The following PRPF8 variants were observed in gnomAD, a reference collection of about 807,000 sequenced individuals.
PRPF8 encodes pre-mRNA processing factor 8, also known as pre-mRNA-processing-splicing factor 8.
In PRPF8, 64 loss-of-function variants were observed where a neutral mutation model predicts 285.9. The ratio of observed to expected loss-of-function variants is 0.22; its 90% CI spans 0.18 to 0.28. The LOEUF (loss-of-function observed/expected upper bound fraction) is 0.28. Among genes scored for constraint, PRPF8 ranks in the 10% least tolerant of loss-of-function variants. The pLI is 1.00. For missense variants in PRPF8, 1,426 were observed against 3,026.7 expected, an observed-to-expected ratio of 0.47 and a Z score of 12.41; for synonymous variants, 1,325 against 1,118.2, an observed-to-expected ratio of 1.18 and a Z score of -3.69.
chr17:1,655,871 C>T (rs771657322), intron 36 of PRPF8, among the ~76,000 whole-genome samples: 27 of 150,946 alleles, frequency 1.8e-4, no homozygotes, highest in Non-Finnish European at 3.5e-4. Context: ...CGTGATCCGC[C>T]GCCTCGGCCT....
chr17:1,674,876 A>G (rs1225171776), intron 20 of PRPF8, among the ~76,000 whole-genome samples, 196 bp from the exon 21 acceptor site: 1 of 152,024 alleles, frequency 6.6e-6, no homozygotes, highest in Non-Finnish European at 1.5e-5. Flanking sequence ...GGTTCAAGTG[A>G]TTCTCCTGCC....
In PRPF8 at chr17:1,660,012, A is replaced by G; in HGVS notation, c.4786-11T>C. On this transcript the variant is annotated splice_polypyrimidine_tract_variant and intron_variant, in intron 30 of 42. Coordinates refer to ENST00000304992, the MANE Select transcript of PRPF8 (RefSeq NM_006445.4). ...TTCCTGGTCAAACACCTGAAGGAAA[A>G]CATGGAGAGATTAAGACTTGTTAAG... 1 of 1,613,850 alleles carries G rather than the reference A, an allele frequency of 6.2e-7. No individual in the cohort carries two copies. The highest frequency in any genetic ancestry group is 8.5e-7 in the Non-Finnish European group (1 of 1,179,702).
rs1468216505 is a variant in PRPF8, at chr17:1,651,954, T to TA, written c.6370-167dup. ...CAGCTGGGGTGCTTGTTCAAAATGTTAGACATGGACCTCATCGCGGACTTA... is the reference window on the plus strand; with the variant it reads ...CAGCTGGGGTGCTTGTTCAAAATGTTAAGACATGGACCTCATCGCGGACTTA... On this transcript the variant is annotated intron_variant, in intron 39 of 42. Transcript: ENST00000304992. The surrounding 1 kb of genome is among the most constrained non-coding windows in gnomAD (Gnocchi z 5.1). The TA allele has an allele frequency of 3.1e-5, 27 of 878,372 alleles. No homozygotes were observed. In the East Asian group the frequency reaches 6.7e-4, roughly 22 times the overall value. 54.4% of individuals were successfully genotyped at this position (878,372 alleles called of 1,614,324 possible). A position where few individuals can be genotyped will look rare whatever the true frequency, so the allele number is the denominator to read the frequency against.
In PRPF8 at chr17:1,679,190, A is replaced by G; in HGVS notation, c.1426T>C (p.Phe476Leu). 6.2e-7 allele frequency: 1 copy of G among 1,614,240 alleles called. No homozygotes were observed. The highest frequency in any genetic ancestry group is 8.5e-7 in the Non-Finnish European group (1 of 1,180,042). ...AQKKRYLFRS[F>L]KATKFFQSTK... ...GACTGAAAGAATTTGGTGGCTTTGA[A>G]GGAGCGGAACAAATACCTGAGGTGG... The change falls in exon 11 of 43, where the codon TTC becomes CTC. Residue 476 changes from phenylalanine to leucine, a missense_variant. By Grantham distance (22) the Phe-to-Leu change is conservative. This residue lies in a region of PRPF8 where 137 missense variants were observed against 161.2 expected (regional missense o/e 0.85). Transcript: ENST00000304992. This position sits in a 1 kb window ranked among gnomAD's most constrained non-coding sequence, Gnocchi z 4.7.
Position 1,658,789 on chromosome 17 carries a change from A to T in PRPF8, c.5139-26T>A, listed in dbSNP as rs779264800. ...CTGTGAGGATAAAAGGGTCAAGAAA[A>T]GTTAAGACGAGAATGACAGCCCCAG... On this transcript the variant is annotated intron_variant, in intron 32 of 42. Coordinates refer to ENST00000304992, the MANE Select transcript of PRPF8 (RefSeq NM_006445.4). The surrounding 1 kb of genome is among the most constrained non-coding windows in gnomAD (Gnocchi z 4.1). 1 of 1,600,798 alleles carries T rather than the reference A, an allele frequency of 6.2e-7. No homozygotes were observed. The highest frequency in any genetic ancestry group is 8.6e-7 in the Non-Finnish European group (1 of 1,167,840).
Position 1,661,832 on chromosome 17 carries a change from T to G in PRPF8, c.4023-42A>C, listed in dbSNP as rs768669105. On this transcript the variant is annotated intron_variant, in intron 25 of 42. Coordinates refer to ENST00000304992, the MANE Select transcript of PRPF8 (RefSeq NM_006445.4). This position sits in a 1 kb window ranked among gnomAD's most constrained non-coding sequence, Gnocchi z 7.3. ...CCAAGATTACAGAAAAAATAAAGCC[T>G]AAAACTAAAGAAATACCCACTTCCC... is the stretch of plus-strand genomic sequence containing the variant. 2 of 1,614,106 alleles carry G rather than the reference T, an allele frequency of 1.2e-6. No individual in the cohort carries two copies. The highest frequency in any genetic ancestry group is 1.7e-6 in the Non-Finnish European group (2 of 1,180,034).
chr17:1,676,554 G>A lies in PRPF8; in HGVS notation c.2339C>T (p.Thr780Ile). The A allele has an allele frequency of 6.2e-7, 1 of 1,614,132 alleles. No homozygotes were observed. Among genetic ancestry groups the A allele is most frequent in the Non-Finnish European group, 8.5e-7 (1 of 1,180,020 alleles). Residue 780 changes from threonine to isoleucine, a missense_variant, in exon 16 of 43, where the codon ACC becomes ATC. By Grantham distance (89) the Thr-to-Ile change is moderately conservative. Coordinates refer to ENST00000304992, the MANE Select transcript of PRPF8 (RefSeq NM_006445.4). This position sits in a 1 kb window ranked among gnomAD's most constrained non-coding sequence, Gnocchi z 6.3. ...CTGTTCTGCCTTCAGATAGAGCCGG[G>A]TGAGGCGGCCCAGATTCTTTTTACA... The part of the protein sequence containing the change: ...TVCKKNLGRL[T>I]RLYLKAEQER...
At position 1,673,505 on chromosome 17, in the gene PRPF8, C is replaced by T; in HGVS notation, c.3509G>A (p.Trp1170Ter). Reference sequence around the variant, plus strand: ...GTACACAGACACGAAGCTGTTCTCCCACTGAACTGTAGTCACTGACCGTGG... The same window carrying T: ...GTACACAGACACGAAGCTGTTCTCCTACTGAACTGTAGTCACTGACCGTGG... The part of the protein sequence containing the change: ...RLPRSVTTVQ[W>*]ENSFVSVYSK... Residue 1170 changes from tryptophan to a stop codon, truncating the protein, a stop_gained, in exon 23 of 43, where the codon TGG (tryptophan) becomes TAG (stop). Transcript: ENST00000304992. LOFTEE classifies it high-confidence loss of function. This position sits in a 1 kb window ranked among gnomAD's most constrained non-coding sequence, Gnocchi z 5.5. The T allele has an allele frequency of 6.2e-7, 1 of 1,614,198 alleles. No homozygotes were observed. The highest frequency in any genetic ancestry group is 8.5e-7 in the Non-Finnish European group (1 of 1,180,036).
Position 1,673,672 on chromosome 17 carries a change from G to T in PRPF8, c.3446+74C>A. 6.2e-7 allele frequency: 1 copy of T among 1,611,338 alleles called. No homozygotes were observed. The highest frequency in any genetic ancestry group is 8.5e-7 in the Non-Finnish European group (1 of 1,178,686). The stretch of plus-strand genomic sequence containing the variant: ...CAGCCACGCCTCTCCCACCCAGGAC[G>T]CAGCCTCAGGTATGCCCTCTCTGGG... On this transcript the variant is annotated intron_variant, in intron 22 of 42. Transcript: ENST00000304992. The surrounding 1 kb of genome is among the most constrained non-coding windows in gnomAD (Gnocchi z 5.5).
chr17:1,682,318 C>T (rs1338991454), intron 3 of PRPF8, 25 bp from the exon 4 acceptor site: 1 of 1,612,632 alleles, frequency 6.2e-7, no homozygotes, highest in Admixed American at 1.7e-5. Context: ...AAAGAGAAGG[C>T]TATCAGAAAT....
At chr17:1,672,685 G>C (rs1008230754) in intron 24 of PRPF8, among the ~76,000 whole-genome samples, 2 of 152,118 alleles carry the variant, frequency 1.3e-5, no homozygotes, top group Non-Finnish European at 2.9e-5. Context: ...GCCTCTGAAG[G>C]TAAGTGAAGG....
rs771788010 is a variant in PRPF8, at chr17:1,651,343, A to G, written c.6651-33T>C. The G allele has an allele frequency of 6.2e-6, 10 of 1,614,066 alleles. No individual in the cohort carries two copies. The Admixed American group carries it at 1.7e-4, about 27-fold the overall frequency. On this transcript the variant is annotated intron_variant, in intron 41 of 42. Transcript: ENST00000304992. This position sits in a 1 kb window ranked among gnomAD's most constrained non-coding sequence, Gnocchi z 5.1. ...AGGAACGAGGACAGAGTAACAGCTC[A>G]GGCCACTGTTCTGGGCCCTGGCCTG...
rs1912946069 is a variant in PRPF8, at chr17:1,681,820, T to C, written c.653A>G (p.Lys218Arg). Residue 218 changes from lysine (K) to arginine (R), a missense_variant and splice_region_variant, in exon 5 of 43, where the codon AAG (lysine) becomes AGG (arginine). Coordinates refer to ENST00000304992, the MANE Select transcript of PRPF8 (RefSeq NM_006445.4). ...YDHQPLRDSR[K>R]YVNGSTYQRW... ...TGTAGTATCTCCATCTATCACTCAC[T>C]TCCTGCTGTCCCTCAACGGCTGGTG... The C allele has an allele frequency of 6.2e-7, 1 of 1,613,956 alleles. No homozygotes were observed. The highest frequency in any genetic ancestry group is 1.3e-5 in the African/African-American group (1 of 74,952).
intron 24 of PRPF8, among the ~76,000 whole-genome samples, chr17:1,671,797 G>C (rs1256431344): frequency 7.0e-6 from 1 of 143,306 alleles, no homozygotes; most frequent in Non-Finnish European, 1.5e-5. Context: ...CTTGCGGTGA[G>C]CCAAGACTGC....
chr17:1,670,243 CAAACTTT>C (rs1337519402), intron 24 of PRPF8, among the ~76,000 whole-genome samples: 4 of 152,178 alleles, frequency 2.6e-5, no homozygotes, highest in Admixed American at 1.3e-4. Context: ...TCAGGAACTT[CAAACTTT>C]ATATATCCTA....
At chr17:1,652,029 G>C (rs1440892714) in intron 39 of PRPF8, 2 of 606,484 alleles carry the variant, frequency 3.3e-6, no homozygotes, top group Non-Finnish European at 5.9e-6. Context: ...CTGCTCACAA[G>C]CTCCCCAGCT....
At position 1,680,933 on chromosome 17, in the gene PRPF8, T is replaced by A; in HGVS notation, c.988A>T (p.Thr330Ser). The A allele has an allele frequency of 6.2e-7, 1 of 1,614,104 alleles. No homozygotes were observed. The highest frequency in any genetic ancestry group is 1.1e-5 in the South Asian group (1 of 91,078). ...GTTGTGTTCCAGGTCTCTTACCAGGTGAGGTGGACATGGTGTGGAAGATTG... is the reference window on the plus strand; with the variant it reads ...GTTGTGTTCCAGGTCTCTTACCAGGAGAGGTGGACATGGTGTGGAAGATTG... ...YNNLPHHVHL[T>S]WYHTPNVVFI... The change falls in exon 7 of 43, where the codon ACC becomes TCC. Residue 330 changes from threonine to serine, a missense_variant. By Grantham distance (58) the Thr-to-Ser change is moderately conservative. Transcript: ENST00000304992.
chr17:1,658,442 C>A lies in PRPF8; in HGVS notation c.5377-61G>T. ...CAACACATCCCCATCCTGCCTTCTT[C>A]CCAGCATGTGTACACACTTAGCCCA... On this transcript the variant is annotated intron_variant, in intron 33 of 42. Transcript: ENST00000304992. The surrounding 1 kb of genome is among the most constrained non-coding windows in gnomAD (Gnocchi z 4.1). The A allele has an allele frequency of 6.2e-7, 1 of 1,614,162 alleles. No individual in the cohort carries two copies.
chr17:1,678,087 T>C (rs1404514963), intron 13 of PRPF8, among the ~76,000 whole-genome samples: 1 of 151,794 alleles, frequency 6.6e-6, no homozygotes, highest in Non-Finnish European at 1.5e-5. Context: ...GGCCGAGGAG[T>C]GTGGATCACC....
Sources: allele counts gnomAD v4.1 joint callset (sites outside exome capture counted in the v4.1 genomes callset), GRCh38; gene constraint gnomAD v4.1.1; regional missense constraint gnomAD v4.1.1; non-coding constraint Gnocchi (gnomAD v3.1); transcripts MANE v1.5; gene names NCBI Gene and HGNC (gene_info 2026-07-23, HGNC 2026-07-21).